The following CKMT2 variants were observed in gnomAD, a reference collection of about 807,000 sequenced individuals.
CKMT2 encodes the protein creatine kinase S-type, mitochondrial.
A neutral mutation model predicts 48.9 loss-of-function variants in CKMT2; 43 were observed. That is an observed-to-expected ratio of 0.88 (90% CI 0.69 to 1.13). The LOEUF is 1.13. Ranked by LOEUF, CKMT2 falls within the 50% of genes most tolerant of loss-of-function variation. CKMT2 has a pLI of 0.00. For missense variants in CKMT2, 472 were observed against 555.4 expected, an observed-to-expected ratio of 0.85 and a Z score of 1.51; for synonymous variants, 206 against 213.0, an observed-to-expected ratio of 0.97 and a Z score of 0.29.
intron 3 of CKMT2, among the ~76,000 whole-genome samples, chr5:81,253,395 A>G (rs181182173): frequency 1.3e-5 from 2 of 152,302 alleles, no homozygotes; most frequent in African/African-American, 4.8e-5. Context: ...GAATTCACTA[A>G]GTCTCTTGGA....
chr5:81,234,200 T>C (rs953244622), intron 1 of CKMT2, among the ~76,000 whole-genome samples: 1 of 151,714 alleles, frequency 6.6e-6, no homozygotes, highest in African/African-American at 2.4e-5. Context: ...TGAGGAAGAG[T>C]GACATTTGAC....
chr5:81,246,927 C>T (rs1300659467), intron 1 of CKMT2: 1 of 152,240 alleles, frequency 6.6e-6, no homozygotes, highest in African/African-American at 2.4e-5. Flanking sequence ...CACCGAACTG[C>T]TCACCATATG....
At chr5:81,259,749 G>A (rs948499686) in intron 8 of CKMT2, among the ~76,000 whole-genome samples, 3 of 152,162 alleles carry the variant, frequency 2.0e-5, no homozygotes. Context: ...GACCTACAAT[G>A]AGACTTAGAC....
Position 81,257,783 on chromosome 5 carries a change from C to G in CKMT2, c.806C>G (p.Thr269Ser). 6 of 1,612,552 alleles carry G rather than the reference C, an allele frequency of 3.7e-6. No individual in the cohort carries two copies. Among genetic ancestry groups the G allele is most frequent in the Non-Finnish European group, 5.1e-6 (6 of 1,178,714 alleles). ...FLIWINEEDH[T>S]RVISMEKGGN... The stretch of plus-strand genomic sequence containing the variant: ...ATCTGGATAAATGAGGAGGATCACA[C>G]CAGGGTAATCTCAATGGAAAAAGGA... Residue 269 changes from threonine (T) to serine (S), a missense_variant, in exon 7 of 10, where the codon ACC becomes AGC. Coordinates refer to ENST00000254035, the MANE Select transcript of CKMT2 (RefSeq NM_001099735.2).
At chr5:81,263,643 T>C in intron 9 of CKMT2, 27 bp downstream of exon 9, 1 of 1,584,216 alleles carries the variant, frequency 6.3e-7, no homozygotes, top group Non-Finnish European at 8.6e-7. Context: ...TTTCCTAACA[T>C]GAACTAACAA....
intron 1 of CKMT2, chr5:81,237,695 T>C (rs1238722913): frequency 2.0e-5 from 3 of 152,220 alleles, no homozygotes; most frequent in Admixed American, 6.5e-5. Context: ...GCAACCCTTT[T>C]AGCAGTTTGA....
intron 9 of CKMT2, 105 bp downstream of exon 9, chr5:81,263,721 C>G (rs1757307458): frequency 9.6e-7 from 1 of 1,044,168 alleles, no homozygotes. Context: ...GAGACCTCCT[C>G]TTCGCCCATT....
In CKMT2 at chr5:81,233,695, T is replaced by C. The variant is rs189314711; in HGVS notation, c.-21+318T>C. On this transcript the variant is annotated intron_variant, in intron 1 of 9. Transcript: ENST00000254035. ...GAAAAAAAAATCTAAAGGCTGTATTTTGACGCTAAGTTTGGGACAACTTTA... is the reference window on the plus strand; with the variant it reads ...GAAAAAAAAATCTAAAGGCTGTATTCTGACGCTAAGTTTGGGACAACTTTA... 3.5e-3 allele frequency among the ~76,000 whole-genome samples: 540 copies of C among 152,288 alleles called. 1 individual carries two copies. The highest frequency in any genetic ancestry group is 0.011 in the African/African-American group (466 of 41,568).
At chr5:81,233,626 T>C (rs1756170498) in intron 1 of CKMT2, among the ~76,000 whole-genome samples, 1 of 152,004 alleles carries the variant, frequency 6.6e-6, no homozygotes, top group Non-Finnish European at 1.5e-5. Context: ...GCACGCTGCC[T>C]GCAGGGCCTC....
intron 3 of CKMT2, 37 bp from the exon 4 acceptor site, chr5:81,254,359 C>T (rs1227206728): frequency 6.4e-7 from 1 of 1,551,490 alleles, no homozygotes; most frequent in African/African-American, 1.4e-5. Flanking sequence ...AGTAGGTGAA[C>T]CAGTTAAAGA....
At chr5:81,246,127 C>T (rs1474034455) in intron 1 of CKMT2, among the ~76,000 whole-genome samples, 1 of 151,728 alleles carries the variant, frequency 6.6e-6, no homozygotes, top group African/African-American at 2.4e-5. Flanking sequence ...TCCCTCTAAA[C>T]CATTCTCCAC....
intron 1 of CKMT2, among the ~76,000 whole-genome samples, chr5:81,241,324 A>C (rs1756427685): frequency 6.6e-6 from 1 of 152,186 alleles, no homozygotes; most frequent in Non-Finnish European, 1.5e-5. Flanking sequence ...TTTTTCTTAG[A>C]GCATTTCCTT....
At chr5:81,261,653 C>T (rs575219922) in intron 8 of CKMT2, among the ~76,000 whole-genome samples, 1 of 152,212 alleles carries the variant, frequency 6.6e-6, no homozygotes, top group South Asian at 2.1e-4. Context: ...TGTGAAGGAC[C>T]TCTTCAAGGA....
chr5:81,238,333 A>G (rs1279362874), intron 1 of CKMT2: 1 of 152,208 alleles, frequency 6.6e-6, no homozygotes, highest in Non-Finnish European at 1.5e-5. Flanking sequence ...GACTGTCTCA[A>G]AAAAAATAAA....
intron 1 of CKMT2, among the ~76,000 whole-genome samples, chr5:81,239,864 G>C (rs1030971990): frequency 6.6e-6 from 1 of 152,232 alleles, no homozygotes; most frequent in East Asian, 1.9e-4. Context: ...ATGTGGTCCT[G>C]GGTGAGTTAT....
At chr5:81,252,947 G>A in intron 3 of CKMT2, 54 bp downstream of exon 3, 1 of 1,590,072 alleles carries the variant, frequency 6.3e-7, no homozygotes, top group Non-Finnish European at 8.6e-7. Flanking sequence ...GGATATGACT[G>A]ACTTGCACAG....
intron 8 of CKMT2, chr5:81,259,489 C>G: frequency 2.8e-6 from 1 of 357,388 alleles, no homozygotes; most frequent in Admixed American, 4.5e-5. Context: ...TACATTTTTC[C>G]TCATGTAACA....
chr5:81,237,726 T>C (rs1360580930), intron 1 of CKMT2: 1 of 152,232 alleles, frequency 6.6e-6, no homozygotes, highest in Non-Finnish European at 1.5e-5. Flanking sequence ...TCAATACTTT[T>C]ATGTTCATAC....
At chr5:81,259,043 T>G (rs1022085829) in intron 7 of CKMT2, 77 bp from the exon 8 acceptor site, 2 of 1,395,698 alleles carry the variant, frequency 1.4e-6, no homozygotes, top group Non-Finnish European at 2.0e-6. Context: ...CACATCTCTC[T>G]CTCTGGTGTT....
Sources: allele counts gnomAD v4.1 joint callset (sites outside exome capture counted in the v4.1 genomes callset), GRCh38; gene constraint gnomAD v4.1.1; transcripts MANE v1.5; gene names NCBI Gene and HGNC (gene_info 2026-07-23, HGNC 2026-07-21).